PCDHA3: variants seen among roughly 807,000 people sequenced by gnomAD.
The protein encoded by PCDHA3 is protocadherin alpha-3.
In PCDHA3, 41 loss-of-function variants were observed where a neutral mutation model predicts 62.2. The ratio of observed to expected loss-of-function variants is 0.66; its 90% CI spans 0.51 to 0.86. The LOEUF (loss-of-function observed/expected upper bound fraction) is 0.86, where lower values mean the gene tolerates loss of function less well. Ranked by LOEUF, PCDHA3 falls within the 40% of genes least tolerant of loss-of-function variation. PCDHA3 has a pLI of 0.00. For missense variants in PCDHA3, 1,304 were observed against 1,241.2 expected (o/e 1.05, Z -0.76); for synonymous variants, 640 against 555.4 (o/e 1.15, Z -2.14).
At chr5:140,864,277 T>A (rs1203382304) in intron 1 of PCDHA3, 6 of 152,228 alleles carry the variant, frequency 3.9e-5, no homozygotes, top group South Asian at 2.1e-4. Context: ...CTCCATTCCT[T>A]ATTGTTTTTA....
intron 1 of PCDHA3, among the ~76,000 whole-genome samples, chr5:140,974,327 G>A (rs2096622889): frequency 6.6e-6 from 1 of 152,194 alleles, no homozygotes; most frequent in African/African-American, 2.4e-5. Context: ...TAGCTGCTGT[G>A]CTAGCAGGCT....
rs2150111522 is a variant in PCDHA3 at position 140,821,876 on chromosome 5, T to A, written c.2394+18285T>A. 2.5e-6 allele frequency: 4 copies of A among 1,614,184 alleles called. No homozygotes were observed. In the African/African-American group the frequency reaches 5.3e-5, roughly 22 times the overall value. Reference sequence around the variant, plus strand: ...GGGAGCGGCCAGCTCCACTACTCGATCCCGGAGGAAGCCAAACACGGAACC... The same window carrying A: ...GGGAGCGGCCAGCTCCACTACTCGAACCCGGAGGAAGCCAAACACGGAACC... On this transcript the variant is annotated intron_variant, in intron 1 of 3. Transcript: ENST00000522353.
intron 1 of PCDHA3, chr5:140,877,134 C>G (rs1339173132): frequency 3.1e-6 from 5 of 1,613,594 alleles, no homozygotes; most frequent in African/African-American, 2.7e-5. Flanking sequence ...TGCAGGTGTT[C>G]GTGCTGGACG....
At chr5:140,879,653 AACAAACGAAC>A (rs1168940497) in intron 1 of PCDHA3, among the ~76,000 whole-genome samples, 1 of 152,232 alleles carries the variant, frequency 6.6e-6, no homozygotes, top group African/African-American at 2.4e-5. Flanking sequence ...TGGCTGCTAT[AACAAACGAAC>A]ACAAACTGGG....
intron 1 of PCDHA3, chr5:140,807,765 G>A (rs1764028665): frequency 1.2e-6 from 2 of 1,614,160 alleles, no homozygotes; most frequent in Non-Finnish European, 1.7e-6. Flanking sequence ...AAAGGTCTTG[G>A]GCTTATATTA....
At position 140,850,386 on chromosome 5, in the gene PCDHA3, A is replaced by G. The variant is rs2041574061; in HGVS notation, c.2394+46795A>G. ...CCGCGTGGGGCTGTACACGGGCGAGATCAGCACAACGCGTGCCCTGGACGA... is the reference window on the plus strand; with the variant it reads ...CCGCGTGGGGCTGTACACGGGCGAGGTCAGCACAACGCGTGCCCTGGACGA... On this transcript the variant is annotated intron_variant, in intron 1 of 3. Coordinates refer to ENST00000522353, the MANE Select transcript of PCDHA3 (RefSeq NM_018906.3). 1.3e-6 allele frequency: 2 copies of G among 1,597,858 alleles called. 1 individual carries two copies. Among genetic ancestry groups the G allele is most frequent in the South Asian group, 2.2e-5 (2 of 90,510 alleles).
intron 3 of PCDHA3, among the ~76,000 whole-genome samples, chr5:141,003,903 G>A (rs150270772): frequency 6.6e-6 from 1 of 152,076 alleles, no homozygotes; most frequent in Non-Finnish European, 1.5e-5. Flanking sequence ...CCATTCATTT[G>A]GGTCTTGACT....
At chr5:140,838,343 C>T (rs1262099993) in intron 1 of PCDHA3, among the ~76,000 whole-genome samples, 5 of 148,174 alleles carry the variant, frequency 3.4e-5, no homozygotes, top group African/African-American at 1.0e-4. Context: ...CGGCTGGTCT[C>T]GAAATCTGGG....
At position 141,009,759 on chromosome 5, in the gene PCDHA3, G is replaced by T. The variant is rs200822345; in HGVS notation, c.2675G>T (p.Gly892Val). The change falls in exon 4 of 4, where the codon GGA becomes GTA. Residue 892 changes from glycine to valine, a missense_variant. By Grantham distance (109) the Gly-to-Val change is moderately radical. Transcript: ENST00000522353. ...GELPDKFIIP[G>V]SPAIISIRQE... ...TTGCCCGACAAATTCATTATCCCAG[G>T]ATCTCCTGCAATCATCTCCATCCGG... The T allele has an allele frequency of 6.7e-5, 108 of 1,614,082 alleles. 1 individual carries two copies. The East Asian group carries it at 2.2e-3, about 33-fold the overall frequency.
intron 1 of PCDHA3, chr5:140,836,210 T>G (rs2150255516): frequency 2.2e-5 from 36 of 1,613,654 alleles, no homozygotes; most frequent in Admixed American, 6.7e-5. Flanking sequence ...GGCTTTCGTA[T>G]GAGTTGCAAC....
At chr5:140,854,117 G>A (rs1311675249) in intron 1 of PCDHA3, 2 of 316,896 alleles carry the variant, frequency 6.3e-6, no homozygotes, top group African/African-American at 5.1e-5. Flanking sequence ...AACTGTGATG[G>A]CACAACTGCA....
At chr5:140,902,933 T>C (rs898632295) in intron 1 of PCDHA3, among the ~76,000 whole-genome samples, 56 of 152,346 alleles carry the variant, frequency 3.7e-4, no homozygotes, top group African/African-American at 1.2e-3. Flanking sequence ...GGTGTATATA[T>C]ACCACATTTT....
chr5:140,904,552 T>C (rs1233525886), intron 1 of PCDHA3, among the ~76,000 whole-genome samples: 1 of 152,084 alleles, frequency 6.6e-6, no homozygotes, highest in Non-Finnish European at 1.5e-5. Flanking sequence ...TTTCATATAA[T>C]GACTTTTTTT....
At chr5:140,822,947 AC>A in intron 1 of PCDHA3, 20 of 1,614,242 alleles carry the variant, frequency 1.2e-5, no homozygotes, top group Non-Finnish European at 1.7e-5. Context: ...CTAATGCCCC[AC>A]GTTCCCTTCA....
At chr5:140,970,554 G>A (rs72802985) in intron 1 of PCDHA3, among the ~76,000 whole-genome samples, 7,177 of 152,136 alleles carry the variant, frequency 0.047, 194 homozygotes, top group Non-Finnish European at 0.062. Context: ...TTGTGTGTTC[G>A]TCTCCATATG....
chr5:140,807,848 G>A, intron 1 of PCDHA3: 1 of 1,614,172 alleles, frequency 6.2e-7, no homozygotes, highest in Middle Eastern at 1.6e-4. Flanking sequence ...AGGCAAACCC[G>A]AGTTGACTGG....
chr5:140,807,118 G>A, intron 1 of PCDHA3: 1 of 1,530,056 alleles, frequency 6.5e-7, no homozygotes. Context: ...GCACTTGACT[G>A]ACCGATTAAA....
At chr5:140,846,712 C>T (rs1014332332) in intron 1 of PCDHA3, among the ~76,000 whole-genome samples, 3 of 149,228 alleles carry the variant, frequency 2.0e-5, no homozygotes, top group Non-Finnish European at 4.5e-5. Flanking sequence ...ATTGTAATAA[C>T]CAGTCTTCAT....
intron 1 of PCDHA3, chr5:140,877,849 TA>T: frequency 6.5e-7 from 1 of 1,545,946 alleles, no homozygotes; most frequent in Non-Finnish European, 8.7e-7. Context: ...AGTAAGTTAT[TA>T]ATATTATTTA....
Sources: allele counts gnomAD v4.1 joint callset (sites outside exome capture counted in the v4.1 genomes callset), GRCh38; gene constraint gnomAD v4.1.1; transcripts MANE v1.5; gene names NCBI Gene and HGNC (gene_info 2026-07-23, HGNC 2026-07-21).